Variants in BMX observed in about 807,000 individuals in gnomAD.
BMX encodes the protein cytoplasmic tyrosine-protein kinase BMX.
A neutral mutation model predicts 59.2 loss-of-function variants in BMX; 31 were observed. The observed-to-expected ratio is 0.52, with a 90% CI of 0.39 to 0.71. The LOEUF (loss-of-function observed/expected upper bound fraction) is 0.71. Among genes scored for constraint, BMX ranks in the 30% least tolerant of loss-of-function variants. The pLI, the probability that BMX is intolerant of heterozygous loss-of-function variation, is 0.00. For synonymous variants in BMX, 185 were observed against 181.0 expected (o/e 1.02, Z -0.18); for missense variants, 474 against 491.7 (o/e 0.96, Z 0.34).
intron 18 of BMX, among the ~76,000 whole-genome samples, chrX:15,554,974 G>C (rs750007365): frequency 4.5e-5 from 5 of 111,056 alleles, no homozygotes; most frequent in Non-Finnish European, 9.4e-5. Flanking sequence ...GAGACTTTAT[G>C]ATATGTTTGA....
Position 15,541,918 on chromosome X carries a change from CTT to C in BMX, c.1395-60_1395-59del, listed in dbSNP as rs1688979132. 2.1e-5 allele frequency: 22 copies of C among 1,026,936 alleles called. No homozygotes were observed. The South Asian group carries it at 4.0e-4, about 19-fold the overall frequency. 84.6% of individuals were successfully genotyped at this position (1,026,936 alleles called of 1,213,427 possible). On this transcript the variant is annotated intron_variant, in intron 14 of 18. Transcript: ENST00000348343. ...AACAAACAGAAATCTGAGAGCAACT[CTT>C]TTTCAGTACATGTAGAAAATGGAGT...
At chrX:15,544,131 G>C (rs1925834465) in intron 16 of BMX, among the ~76,000 whole-genome samples, 1 of 111,329 alleles carries the variant, frequency 9.0e-6, no homozygotes, top group Non-Finnish European at 1.9e-5. Context: ...CAGTTTAAAA[G>C]AGATCTGAAG....
chrX:15,517,786 A>G (rs1365038628), intron 5 of BMX, 143 bp from the exon 6 acceptor site: 3 of 499,144 alleles, frequency 6.0e-6, no homozygotes, highest in South Asian at 6.5e-5. Context: ...AAGCTACAGA[A>G]TCACTCCAGA....
chrX:15,527,193 C>CA (rs1188631387), intron 9 of BMX, among the ~76,000 whole-genome samples: 9,869 of 14,122 alleles, frequency 0.7, 3,913 homozygotes, highest in Middle Eastern at 1. Flanking sequence ...GACTCTGTCT[C>CA]AAAAAAAAAA....
chrX:15,545,340 G>T (rs1216958619), intron 16 of BMX, among the ~76,000 whole-genome samples: 1 of 112,188 alleles, frequency 8.9e-6, no homozygotes, highest in Non-Finnish European at 1.9e-5. Flanking sequence ...AGATCCAACT[G>T]CCCTACTTGG....
In BMX at chrX:15,543,106, T is replaced by G. The variant is rs777880915; in HGVS notation, c.1647T>G (p.Cys549Trp). Residue 549 changes from cysteine (C) to tryptophan (W), a missense_variant, in exon 16 of 19, where the codon TGT becomes TGG. Cys to Trp is a radical substitution (Grantham distance 215). Transcript: ENST00000348343. ...ACTGCTTGGTGGACAGAGATCTCTGTGTGAAAGTATCTGACTTTGGAATGA... is the reference window on the plus strand; with the variant it reads ...ACTGCTTGGTGGACAGAGATCTCTGGGTGAAAGTATCTGACTTTGGAATGA... Reference protein sequence around the residue: ...ARNCLVDRDLCVKVSDFGMTR... With the variant: ...ARNCLVDRDLWVKVSDFGMTR... 2 of 1,206,436 alleles carry G rather than the reference T, an allele frequency of 1.7e-6. No homozygotes were observed. The highest frequency in any genetic ancestry group is 3.5e-5 in the African/African-American group (2 of 56,818).
intron 11 of BMX, among the ~76,000 whole-genome samples, chrX:15,532,693 C>A (rs973261659): frequency 8.9e-6 from 1 of 112,341 alleles, no homozygotes; most frequent in African/African-American, 3.2e-5. Context: ...GTAATAAAAA[C>A]GTTATTTTAT....
At chrX:15,543,217 G>A in intron 16 of BMX, 82 bp downstream of exon 16, 1 of 974,414 alleles carries the variant, frequency 1.0e-6, no homozygotes, top group Non-Finnish European at 1.4e-6. Flanking sequence ...AGGCTTTGTG[G>A]GGATATAGAA....
chrX:15,549,271 A>T (rs927843851), intron 17 of BMX, among the ~76,000 whole-genome samples: 3 of 111,980 alleles, frequency 2.7e-5, no homozygotes, highest in African/African-American at 6.5e-5. Context: ...AGTGGCTTTC[A>T]TCAGATTCCC....
At chrX:15,527,076 T>C (rs988766780) in intron 9 of BMX, among the ~76,000 whole-genome samples, 2 of 105,867 alleles carry the variant, frequency 1.9e-5, no homozygotes, top group African/African-American at 6.9e-5. Context: ...GTGATTATTA[T>C]GCATTGCATG....
intron 18 of BMX, among the ~76,000 whole-genome samples, chrX:15,555,516 C>CT (rs780595060): frequency 8.2e-4 from 91 of 110,930 alleles, no homozygotes; most frequent in Middle Eastern, 9.2e-3. Flanking sequence ...GCCAGGGATG[C>CT]TTTTTTATAT....
chrX:15,550,784 T>G lies in BMX; in HGVS notation c.1953+787T>G, dbSNP rs778579012. 3.4e-4 allele frequency among the ~76,000 whole-genome samples: 37 copies of G among 110,140 alleles called. 2 individuals carry two copies. Among genetic ancestry groups the G allele is most frequent in the Non-Finnish European group, 9.5e-5 (5 of 52,783 alleles). The stretch of plus-strand genomic sequence containing the variant: ...AGAAAGACAAGGTTTTTGCCATAAC[T>G]TTCAATGGCAAAAAACGTGATTACT... On this transcript the variant is annotated intron_variant, in intron 18 of 18. Transcript: ENST00000348343.
intron 11 of BMX, among the ~76,000 whole-genome samples, 184 bp from the exon 12 acceptor site, chrX:15,534,028 C>T (rs762112967): frequency 9.0e-6 from 1 of 111,359 alleles, no homozygotes; most frequent in East Asian, 2.8e-4. Flanking sequence ...AACTCTCTTC[C>T]ATAATTACTT....
rs1265550312 is a variant in BMX at position 15,549,865 on chromosome X, C to G, written c.1821C>G (p.Ser607Arg). The G allele has an allele frequency of 8.3e-7, 1 of 1,208,832 alleles. No individual in the cohort carries two copies. The highest frequency in any genetic ancestry group is 1.7e-5 in the African/African-American group (1 of 57,655). ...AFGILMWEVF[S>R]LGKQPYDLYD... ...GGATCCTGATGTGGGAGGTGTTCAGCCTGGGGAAGCAGCCCTATGACTTGT... is the reference window on the plus strand; with the variant it reads ...GGATCCTGATGTGGGAGGTGTTCAGGCTGGGGAAGCAGCCCTATGACTTGT... The change falls in exon 18 of 19, where the codon AGC becomes AGG. Residue 607 changes from serine to arginine, a missense_variant. Coordinates refer to ENST00000348343, the MANE Select transcript of BMX (RefSeq NM_203281.3).
Position 15,522,205 on chromosome X carries a change from TCCTCCCTTCCTC to T in BMX, c.511-119_511-108del, listed in dbSNP as rs376196685. 819 of 788,239 alleles carry T rather than the reference TCCTCCCTTCCTC, an allele frequency of 1.0e-3. 5 individuals are homozygous for T. The African/African-American group carries it at 0.013, about 12-fold the overall frequency. The allele number at this position is 788,239 out of a possible 1,213,427, so 65.0% of individuals were successfully genotyped here. On this transcript the variant is annotated intron_variant, in intron 6 of 18. Transcript: ENST00000348343. ...TTTCTTCTTTCCTTGCCTCTTTCCT[TCCTCCCTTCCTC>T]CCTCCCTTCCTCCCTCCCTTCTCTC...
intron 6 of BMX, among the ~76,000 whole-genome samples, chrX:15,518,686 TG>T (rs1343903555): frequency 9.0e-6 from 1 of 110,887 alleles, no homozygotes; most frequent in African/African-American, 3.3e-5. Flanking sequence ...GGAGGGATTT[TG>T]GGGGGGCTGA....
chrX:15,551,700 C>T (rs184591015), intron 18 of BMX, among the ~76,000 whole-genome samples: 2 of 110,955 alleles, frequency 1.8e-5, no homozygotes, highest in Admixed American at 1.9e-4. Flanking sequence ...CAATATTTTT[C>T]GTTTAGCCTT....
At chrX:15,526,584 ATT>A (rs750402294) in intron 9 of BMX, among the ~76,000 whole-genome samples, 25 of 91,615 alleles carry the variant, frequency 2.7e-4, no homozygotes, top group South Asian at 4.9e-4. Flanking sequence ...TGACCTTGTC[ATT>A]TTTTTTTTTT....
intron 18 of BMX, among the ~76,000 whole-genome samples, chrX:15,551,392 T>C (rs1025652711): frequency 1.8e-5 from 2 of 111,028 alleles, no homozygotes; most frequent in African/African-American, 6.5e-5. Flanking sequence ...CCTATTATTA[T>C]CTCTGTGCTT....
Sources: gnomAD v4.1 joint callset for allele counts (sites outside exome capture counted in the v4.1 genomes callset) on GRCh38, gnomAD v4.1.1 for gene constraint, MANE v1.5 for transcripts, NCBI Gene and HGNC (gene_info 2026-07-23, HGNC 2026-07-21) for gene names.